Variants in WDSUB1 observed in about 807,000 individuals in gnomAD.
WDSUB1 encodes the protein WD repeat, SAM and U-box domain-containing protein 1.
A neutral mutation model predicts 53.9 loss-of-function variants in WDSUB1; 49 were observed. That is an observed-to-expected ratio of 0.91 (90% confidence interval 0.72 to 1.15). The LOEUF (loss-of-function observed/expected upper bound fraction) is 1.15, where lower values mean the gene tolerates loss of function less well. Ranked by LOEUF, WDSUB1 falls within the 50% of genes most tolerant of loss-of-function variation. The pLI is 0.00. For missense variants in WDSUB1, 514 were observed against 562.0 expected, an observed-to-expected ratio of 0.91 and a Z score of 0.86; for synonymous variants, 194 against 200.6, an observed-to-expected ratio of 0.97 and a Z score of 0.28.
At chr2:159,246,187 C>T (rs2060791493) in intron 10 of WDSUB1, among the ~76,000 whole-genome samples, 1 of 152,174 alleles carries the variant, frequency 6.6e-6, no homozygotes, top group Admixed American at 6.5e-5. Context: ...AATCCCAGCA[C>T]TTTGGGAGCC....
chr2:159,250,487 T>C (rs945555501), intron 9 of WDSUB1, among the ~76,000 whole-genome samples: 2 of 152,172 alleles, frequency 1.3e-5, no homozygotes, highest in African/African-American at 2.4e-5. Context: ...GTTAGGGAAG[T>C]ACCTCTAAAA....
At chr2:159,280,742 T>C (rs1575498130) in intron 2 of WDSUB1, among the ~76,000 whole-genome samples, 2 of 138,386 alleles carry the variant, frequency 1.4e-5, no homozygotes, top group East Asian at 2.0e-4. Context: ...TCTTCAAATA[T>C]AAATTATTTA....
rs748659247 is a variant in WDSUB1, at chr2:159,282,768, C to G, written c.302G>C (p.Arg101Thr). ...VMEQPSGSPV[R>T]VCQFSPDSTC... ...GGAGTCTGGGGAAAACTGGCAAACC[C>G]TCACAGGGCTGCCACTAGGCTGTTC... is the stretch of plus-strand genomic sequence containing the variant. The change falls in exon 2 of 11, where the codon AGG becomes ACG. Residue 101 changes from arginine (R) to threonine (T), a missense_variant. Physicochemically the swap from Arg to Thr is moderately conservative, Grantham distance 71. Coordinates refer to ENST00000359774, the MANE Select transcript of WDSUB1 (RefSeq NM_001128212.3). 6.2e-7 allele frequency: 1 copy of G among 1,614,200 alleles called. No individual in the cohort carries two copies. Among genetic ancestry groups the G allele is most frequent in the Non-Finnish European group, 8.5e-7 (1 of 1,180,042 alleles).
In WDSUB1 at chr2:159,280,487, C is replaced by G. The variant is rs559673731; in HGVS notation, c.399-542G>C. Among the ~76,000 whole-genome samples the G allele has an allele frequency of 7.9e-3, 1,199 of 151,084 alleles. 11 individuals carry two copies. The highest frequency in any genetic ancestry group is 0.022 in the African/African-American group (922 of 41,018). Reference sequence around the variant, plus strand: ...CGGGCGGATCACGAGGTCAGGAGATCGAGACCATCCCGGCTAAAACGGTGA... The same window carrying G: ...CGGGCGGATCACGAGGTCAGGAGATGGAGACCATCCCGGCTAAAACGGTGA... On this transcript the variant is annotated intron_variant, in intron 2 of 10. Coordinates refer to ENST00000359774, the MANE Select transcript of WDSUB1 (RefSeq NM_001128212.3).
intron 6 of WDSUB1, 44 bp downstream of exon 6, chr2:159,259,766 A>T: frequency 6.7e-7 from 1 of 1,490,954 alleles, no homozygotes. Flanking sequence ...GTAGTCTAAT[A>T]AACATAACTT....
rs193224012 is a variant in WDSUB1 at position 159,250,768 on chromosome 2, A to C, written c.1133-2256T>G. ...AAGAGGTACATAAGATTAATAGAATAAAGGCTTAGATAAGATCAAGATTTG... is the reference window on the plus strand; with the variant it reads ...AAGAGGTACATAAGATTAATAGAATCAAGGCTTAGATAAGATCAAGATTTG... On this transcript the variant is annotated intron_variant, in intron 9 of 10. Transcript: ENST00000359774. Among the ~76,000 whole-genome samples, 32 of 152,344 alleles carry C rather than the reference A, an allele frequency of 2.1e-4. No homozygotes were observed. The East Asian group carries it at 5.6e-3, about 27-fold the overall frequency.
intron 4 of WDSUB1, 80 bp downstream of exon 4, chr2:159,275,466 G>A: frequency 8.8e-7 from 1 of 1,136,122 alleles, no homozygotes; most frequent in Non-Finnish European, 1.3e-6. Flanking sequence ...GATACTCAAG[G>A]TACCTTAAGT....
intron 10 of WDSUB1, among the ~76,000 whole-genome samples, chr2:159,238,169 T>TC (rs2060538500): frequency 2.6e-5 from 4 of 152,240 alleles, no homozygotes; most frequent in African/African-American, 9.6e-5. Flanking sequence ...TCATATTTTT[T>TC]GCCCATTTTT....
intron 1 of WDSUB1, 103 bp from the exon 2 acceptor site, chr2:159,283,196 G>A: frequency 1.0e-6 from 1 of 994,684 alleles, no homozygotes; most frequent in Middle Eastern, 2.7e-4. Flanking sequence ...CTCAATGAAA[G>A]CTTCTACATC....
intron 10 of WDSUB1, among the ~76,000 whole-genome samples, chr2:159,239,635 G>A (rs866912403): frequency 6.6e-6 from 1 of 152,158 alleles, no homozygotes; most frequent in South Asian, 2.1e-4. Flanking sequence ...TATCATATAA[G>A]AAAGTCGGCT....
chr2:159,269,880 A>G (rs1247650667), intron 5 of WDSUB1, among the ~76,000 whole-genome samples: 2 of 152,206 alleles, frequency 1.3e-5, no homozygotes, highest in African/African-American at 4.8e-5. Context: ...AATAAAGCTT[A>G]TCTCCCCAAA....
At position 159,271,279 on chromosome 2, in the gene WDSUB1, TC is replaced by T. The variant is rs2061439741; in HGVS notation, c.770+422del. Among the ~76,000 whole-genome samples, 3 of 152,292 alleles carry T rather than the reference TC, an allele frequency of 2.0e-5. No homozygotes were observed. The South Asian group carries it at 6.2e-4, about 32-fold the overall frequency. Reference sequence around the variant, plus strand: ...TCATAGAATTATTATTGTAATGCCCTCAAACCAGAAACAATCATATAACCAT... The same window carrying T: ...TCATAGAATTATTATTGTAATGCCCTAAACCAGAAACAATCATATAACCAT... On this transcript the variant is annotated intron_variant, in intron 5 of 10. Transcript: ENST00000359774.
intron 5 of WDSUB1, among the ~76,000 whole-genome samples, chr2:159,260,769 C>T (rs1400989760): frequency 2.6e-5 from 4 of 152,136 alleles, no homozygotes; most frequent in Non-Finnish European, 5.9e-5. Flanking sequence ...GGCATTTCTA[C>T]CCCCCTTGGA....
chr2:159,252,401 G>A (rs1283789592), intron 9 of WDSUB1, among the ~76,000 whole-genome samples: 1 of 152,182 alleles, frequency 6.6e-6, no homozygotes, highest in African/African-American at 2.4e-5. Flanking sequence ...GTGAGGACAA[G>A]CCATTAACAG....
intron 1 of WDSUB1, among the ~76,000 whole-genome samples, chr2:159,285,581 C>T (rs1318277043): frequency 6.6e-6 from 1 of 152,084 alleles, no homozygotes; most frequent in East Asian, 1.9e-4. Flanking sequence ...TGGCGAGCAC[C>T]TGTAGTCCCA....
chr2:159,244,147 C>T (rs2060729108), intron 10 of WDSUB1, among the ~76,000 whole-genome samples: 1 of 152,068 alleles, frequency 6.6e-6, no homozygotes, highest in Non-Finnish European at 1.5e-5. Flanking sequence ...TGAATGCTTT[C>T]CCTCTAAGTG....
At chr2:159,266,238 G>C (rs2061345548) in intron 5 of WDSUB1, among the ~76,000 whole-genome samples, 1 of 151,990 alleles carries the variant, frequency 6.6e-6, no homozygotes, top group Admixed American at 6.6e-5. Context: ...GCCCAGGCTG[G>C]AGTGTGGTGG....
At chr2:159,240,886 C>A (rs931080025) in intron 10 of WDSUB1, among the ~76,000 whole-genome samples, 1 of 152,134 alleles carries the variant, frequency 6.6e-6, no homozygotes, top group African/African-American at 2.4e-5. Flanking sequence ...AGCAGTTAGA[C>A]AACTGCAGGA....
intron 8 of WDSUB1, among the ~76,000 whole-genome samples, chr2:159,256,644 C>T (rs527698968): frequency 5.3e-5 from 8 of 151,646 alleles, no homozygotes; most frequent in African/African-American, 1.7e-4. Flanking sequence ...GCTTTTGGAT[C>T]ATTTTCTTTT....
Sources: gnomAD v4.1 joint callset for allele counts (sites outside exome capture counted in the v4.1 genomes callset) on GRCh38, gnomAD v4.1.1 for gene constraint, MANE v1.5 for transcripts, NCBI Gene and HGNC (gene_info 2026-07-23, HGNC 2026-07-21) for gene names.